The following PLD5 variants were observed in gnomAD, a reference collection of about 807,000 sequenced individuals.
PLD5 encodes phospholipase D family member 5, also known as inactive phospholipase D5.
In PLD5, 36 loss-of-function variants were observed where a neutral mutation model predicts 61.1. That is an observed-to-expected ratio of 0.59 (90% CI 0.45 to 0.78). The LOEUF is 0.78. PLD5 is among the 30% of genes least tolerant of loss of function. PLD5 has a pLI of 0.00. For synonymous variants in PLD5, 243 were observed against 242.8 expected, an observed-to-expected ratio of 1.00 and a Z score of -0.01; for missense variants, 515 against 644.4, an observed-to-expected ratio of 0.80 and a Z score of 2.17.
intron 1 of PLD5, among the ~76,000 whole-genome samples, chr1:242,418,052 T>C (rs1224444063): frequency 6.6e-6 from 1 of 152,086 alleles, no homozygotes; most frequent in East Asian, 1.9e-4. Flanking sequence ...TTTGCCACAA[T>C]CCAGGGGAGA....
chr1:242,268,450 T>C (rs1270332310), intron 3 of PLD5, among the ~76,000 whole-genome samples: 2 of 152,204 alleles, frequency 1.3e-5, no homozygotes, highest in Non-Finnish European at 2.9e-5. Flanking sequence ...GTGACTTAAA[T>C]TGATTTCCAC....
chr1:242,312,296 T>A (rs1211447893), intron 2 of PLD5, among the ~76,000 whole-genome samples: 1 of 151,836 alleles, frequency 6.6e-6, no homozygotes, highest in East Asian at 1.9e-4. Flanking sequence ...TTGAAAAAAA[T>A]AGCCACCTCT....
At chr1:242,323,299 C>G (rs1484461592) in intron 2 of PLD5, among the ~76,000 whole-genome samples, 1 of 152,088 alleles carries the variant, frequency 6.6e-6, no homozygotes, top group Non-Finnish European at 1.5e-5. Context: ...ATGTGTGGCT[C>G]GTAAAACTGA....
At chr1:242,529,291 G>T (rs932387430), upstream of PLD5, among the ~76,000 whole-genome samples, 5 of 152,074 alleles carry the variant, frequency 3.3e-5, no homozygotes, top group African/African-American at 1.2e-4. Context: ...GACAATGAAG[G>T]TTTTTTAAAT....
chr1:242,217,267 T>C (rs7418837), intron 5 of PLD5, among the ~76,000 whole-genome samples: 91,135 of 152,042 alleles, frequency 0.6, 29,680 homozygotes, highest in South Asian at 0.81. Flanking sequence ...ATTCCTCTGA[T>C]AGATCTGGGC....
At chr1:242,439,595 G>A (rs1489263452) in intron 1 of PLD5, among the ~76,000 whole-genome samples, 1 of 152,180 alleles carries the variant, frequency 6.6e-6, no homozygotes, top group Non-Finnish European at 1.5e-5. Context: ...AGCCAGAGAG[G>A]AAGAAAGAAA....
intron 3 of PLD5, among the ~76,000 whole-genome samples, chr1:242,287,742 C>T (rs915580970): frequency 6.6e-6 from 1 of 152,164 alleles, no homozygotes; most frequent in Non-Finnish European, 1.5e-5. Context: ...TCACCAGCAC[C>T]ATTTTCTTAC....
At chr1:242,496,080 C>T (rs1437270324) in intron 1 of PLD5, among the ~76,000 whole-genome samples, 1 of 152,192 alleles carries the variant, frequency 6.6e-6, no homozygotes, top group African/African-American at 2.4e-5. Flanking sequence ...TGTATTTGTT[C>T]TTTAGTGCCT....
chr1:242,422,259 C>T (rs570562258), intron 1 of PLD5, among the ~76,000 whole-genome samples: 5 of 152,302 alleles, frequency 3.3e-5, no homozygotes, highest in Non-Finnish European at 7.3e-5. Context: ...CCAAAGCAAA[C>T]TGCCAGATTC....
chr1:242,113,951 T>C lies in PLD5; in HGVS notation c.1009A>G (p.Lys337Glu), dbSNP rs145254961. 27 of 1,614,028 alleles carry C rather than the reference T, an allele frequency of 1.7e-5. No homozygotes were observed. The highest frequency in any genetic ancestry group is 2.7e-5 in the African/African-American group (2 of 74,934). The change falls in exon 7 of 10, where the codon AAG becomes GAG. Residue 337 changes from lysine (K) to glutamate (E), a missense_variant. Lys to Glu is a moderately conservative substitution (Grantham distance 56, BLOSUM62 1). Transcript: ENST00000536534. ...DAIYSVIDDA[K>E]QYVYIAVMDY... ...ATGACAGCGATGTACACATACTGCT[T>C]GGCATCATCTATCACACTGTAGATG...
Position 242,247,903 on chromosome 1 carries a change from C to CA in PLD5, c.607+17433dup, listed in dbSNP as rs1672482056. Among the ~76,000 whole-genome samples, 11 of 152,286 alleles carry CA rather than the reference C, an allele frequency of 7.2e-5. No individual in the cohort carries two copies. In the South Asian group the frequency reaches 2.3e-3, roughly 32 times the overall value. ...AGCAGCTGCTGTGGCAACCTGAAGG[C>CA]AATAGGCCTGCAGAATAAAGGACTG... On this transcript the variant is annotated intron_variant, in intron 4 of 9. Transcript: ENST00000536534.
At chr1:242,273,791 G>A (rs1674250313) in intron 3 of PLD5, among the ~76,000 whole-genome samples, 1 of 152,202 alleles carries the variant, frequency 6.6e-6, no homozygotes, top group South Asian at 2.1e-4. Flanking sequence ...GACACAACTA[G>A]AGGAGAAGAC....
intron 4 of PLD5, among the ~76,000 whole-genome samples, chr1:242,237,613 C>T (rs916617439): frequency 1.3e-5 from 2 of 152,152 alleles, no homozygotes; most frequent in Admixed American, 6.5e-5. Flanking sequence ...AGCCACGTGC[C>T]TAAAAGATAT....
intron 5 of PLD5, among the ~76,000 whole-genome samples, chr1:242,175,142 CA>C (rs1285894553): frequency 6.6e-6 from 1 of 152,032 alleles, no homozygotes; most frequent in African/African-American, 2.4e-5. Context: ...GGCAGAGACA[CA>C]GCAAAAAAAG....
intron 5 of PLD5, among the ~76,000 whole-genome samples, chr1:242,170,670 A>G (rs188543045): frequency 6.6e-6 from 1 of 152,322 alleles, no homozygotes; most frequent in African/African-American, 2.4e-5. Context: ...AAAAGGTTAG[A>G]CAAATTGGTA....
In PLD5 at chr1:242,328,910, G is replaced by A. The variant is rs536851846; in HGVS notation, c.326+19196C>T. ...TATGGCATTTGACAGTCTCTTTTCA[G>A]GGTGTTTCTCAAATAAAGCCCTCTC... On this transcript the variant is annotated intron_variant, in intron 2 of 9. Coordinates refer to ENST00000536534, the MANE Select transcript of PLD5 (RefSeq NM_001372062.1). 1.1e-4 allele frequency among the ~76,000 whole-genome samples: 16 copies of A among 152,230 alleles called. No homozygotes were observed. In the South Asian group the frequency reaches 2.5e-3, roughly 24 times the overall value.
chr1:242,171,940 A>T (rs1202283592), intron 5 of PLD5, among the ~76,000 whole-genome samples: 1 of 152,204 alleles, frequency 6.6e-6, no homozygotes, highest in African/African-American at 2.4e-5. Flanking sequence ...CCCACACAAT[A>T]ATAGTGGGAG....
intron 5 of PLD5, among the ~76,000 whole-genome samples, chr1:242,154,251 A>G (rs188161217): frequency 6.8e-4 from 104 of 152,260 alleles, no homozygotes; most frequent in Non-Finnish European, 1.1e-3. Context: ...TGGGCTGAGA[A>G]GATGGGGTTT....
intron 5 of PLD5, among the ~76,000 whole-genome samples, chr1:242,199,632 C>T (rs555924314): frequency 6.6e-6 from 1 of 152,228 alleles, no homozygotes; most frequent in African/African-American, 2.4e-5. Flanking sequence ...ACTGAAGGAA[C>T]ATGCAATGTA....
Sources: allele counts gnomAD v4.1 joint callset (sites outside exome capture counted in the v4.1 genomes callset), GRCh38; gene constraint gnomAD v4.1.1; transcripts MANE v1.5; gene names NCBI Gene and HGNC (gene_info 2026-07-23, HGNC 2026-07-21).